Variants in TSBP1 observed in about 807,000 individuals in gnomAD.
TSBP1 encodes testis-expressed basic protein 1.
TSBP1 carries 56 observed loss-of-function variants against 68.8 expected under a neutral mutation model. The ratio of observed to expected loss-of-function variants is 0.81; its 90% CI spans 0.66 to 1.02. The LOEUF (loss-of-function observed/expected upper bound fraction) is 1.02, where lower values mean the gene tolerates loss of function less well. TSBP1 is among the 50% of genes least tolerant of loss of function. The probability of loss-of-function intolerance (pLI) is 0.00; values close to 1 mark genes in which losing one functional copy is unlikely to be tolerated. For synonymous variants in TSBP1, 171 were observed against 208.7 expected, an observed-to-expected ratio of 0.82 and a Z score of 1.56; for missense variants, 502 against 641.2, an observed-to-expected ratio of 0.78 and a Z score of 2.34.
rs1554212483 is a variant in TSBP1 at position 32,367,917 on chromosome 6, C to T, written c.166+8G>A. 2 of 1,603,340 alleles carry T rather than the reference C, an allele frequency of 1.2e-6. No individual in the cohort carries two copies. The highest frequency in any genetic ancestry group is 1.7e-6 in the Non-Finnish European group (2 of 1,171,660). On this transcript the variant is annotated splice_region_variant and intron_variant, in intron 4 of 22. Transcript: ENST00000612031. ...CATTAACTGTCTAGTAGTTCCTAATCTATTTACCTCTACCATCCTCATAGT... is the reference window on the plus strand; with the variant it reads ...CATTAACTGTCTAGTAGTTCCTAATTTATTTACCTCTACCATCCTCATAGT...
chr6:32,369,105 G>A (rs1428601781), intron 2 of TSBP1, among the ~76,000 whole-genome samples: 6 of 152,108 alleles, frequency 3.9e-5, no homozygotes, highest in Admixed American at 3.9e-4. Flanking sequence ...AGGAAAGAGA[G>A]ACCTTATGGC....
chr6:32,292,955 C>T lies in TSBP1; in HGVS notation c.*26G>A. The T allele has an allele frequency of 7.1e-7, 1 of 1,400,068 alleles. No homozygotes were observed. The highest frequency in any genetic ancestry group is 1.2e-5 in the South Asian group (1 of 81,704). The allele number at this position is 1,400,068 out of a possible 1,614,324, so 86.7% of individuals were successfully genotyped here. On this transcript the variant is annotated 3_prime_UTR_variant, in exon 23 of 23. Coordinates refer to ENST00000612031, the Ensembl canonical transcript of TSBP1. The surrounding 1 kb of genome is among the most constrained non-coding windows in gnomAD (Gnocchi z 4.1). Reference sequence around the variant, plus strand: ...TATGGGAATCATAATAATCACTTGTCTTATGGGCCTTTAAAAAATTTATCC... The same window carrying T: ...TATGGGAATCATAATAATCACTTGTTTTATGGGCCTTTAAAAAATTTATCC...
intron 22 of TSBP1, among the ~76,000 whole-genome samples, chr6:32,299,044 C>T (rs368647273): frequency 1.3e-5 from 2 of 152,162 alleles, no homozygotes. Context: ...CATAAAGTTT[C>T]CTGACTAATC....
intron 6 of TSBP1, among the ~76,000 whole-genome samples, chr6:32,362,056 C>G (rs555828146): frequency 6.6e-6 from 1 of 151,756 alleles, no homozygotes; most frequent in Non-Finnish European, 1.5e-5. Flanking sequence ...TTTGGGAGGC[C>G]GAGGTGGGCG....
chr6:32,325,033 T>A lies in TSBP1; in HGVS notation c.515-1419A>T, dbSNP rs1232780991. Among the ~76,000 whole-genome samples, 4 of 152,194 alleles carry A rather than the reference T, an allele frequency of 2.6e-5. No individual in the cohort carries two copies. Among genetic ancestry groups the A allele is most frequent in the Non-Finnish European group, 5.9e-5 (4 of 68,028 alleles). On this transcript the variant is annotated intron_variant, in intron 16 of 22. Transcript: ENST00000612031. The surrounding 1 kb of genome is among the most constrained non-coding windows in gnomAD (Gnocchi z 4.4). ...TGGATCTATATCATTTTTCTGTCAT[T>A]TTTTTTCCTTCTGCATGGAAAGTTC...
At position 32,361,838 on chromosome 6, in the gene TSBP1, C is replaced by A. The variant is rs1357193379; in HGVS notation, c.217+4329G>T. On this transcript the variant is annotated intron_variant, in intron 6 of 22. Transcript: ENST00000612031. The surrounding 1 kb of genome is among the most constrained non-coding windows in gnomAD (Gnocchi z 4.3). ...TGGATATTACTGTGGTTTTAATGTC[C>A]TCTCCGAAACTCATGTTGAAACTTA... 6.6e-6 allele frequency among the ~76,000 whole-genome samples: 1 copy of A among 151,998 alleles called. No homozygotes were observed. Among genetic ancestry groups the A allele is most frequent in the Non-Finnish European group, 1.5e-5 (1 of 68,004 alleles).
chr6:32,357,934 C>T lies in TSBP1; in HGVS notation c.218-2265G>A, dbSNP rs1772528483. On this transcript the variant is annotated intron_variant, in intron 6 of 22. Coordinates refer to ENST00000612031, the Ensembl canonical transcript of TSBP1. The surrounding 1 kb of genome is among the most constrained non-coding windows in gnomAD (Gnocchi z 4.7). ...GGGTTAAGGGAACTGAAATCCCCAG[C>T]AGTGTCTCTGGGGTGGGGCTGCATT... 6.6e-6 allele frequency among the ~76,000 whole-genome samples: 1 copy of T among 152,142 alleles called. No homozygotes were observed. The highest frequency in any genetic ancestry group is 1.5e-5 in the Non-Finnish European group (1 of 68,030).
At position 32,361,580 on chromosome 6, in the gene TSBP1, G is replaced by T. The variant is rs1773125626; in HGVS notation, c.217+4587C>A. 6.6e-6 allele frequency among the ~76,000 whole-genome samples: 1 copy of T among 152,164 alleles called. No homozygotes were observed. ...TAATGATTGCCATTCTAACTGGTGT[G>T]AGATGGTATCTCACTGTGGTTTTGA... On this transcript the variant is annotated intron_variant, in intron 6 of 22. Transcript: ENST00000612031. The surrounding 1 kb of genome is among the most constrained non-coding windows in gnomAD (Gnocchi z 4.3).
intron 8 of TSBP1, among the ~76,000 whole-genome samples, chr6:32,353,711 A>C (rs1247681343): frequency 6.6e-6 from 1 of 152,014 alleles, no homozygotes; most frequent in Non-Finnish European, 1.5e-5. Flanking sequence ...ACAAAAGATC[A>C]CTGGAACAGA....
At chr6:32,308,081 C>T (rs1417182392) in intron 19 of TSBP1, among the ~76,000 whole-genome samples, 4 of 151,942 alleles carry the variant, frequency 2.6e-5, no homozygotes, top group Non-Finnish European at 5.9e-5. Context: ...GGCCAATTGC[C>T]TGGTATGTTT....
intron 9 of TSBP1, among the ~76,000 whole-genome samples, chr6:32,347,165 A>ATTT (rs9279590): frequency 1.4e-5 from 2 of 144,438 alleles, no homozygotes; most frequent in East Asian, 2.0e-4. Context: ...GCCCTCTTAG[A>ATTT]TTTTTTTTTT....
At chr6:32,312,394 C>T (rs766468325) in intron 19 of TSBP1, among the ~76,000 whole-genome samples, 2 of 152,122 alleles carry the variant, frequency 1.3e-5, no homozygotes, top group Non-Finnish European at 2.9e-5. Flanking sequence ...CATTCTGAGT[C>T]AGTGTGCCTG....
Position 32,315,863 on chromosome 6 carries a change from T to A in TSBP1, c.560-71A>T. 2 of 1,047,356 alleles carry A rather than the reference T, an allele frequency of 1.9e-6. No homozygotes were observed. The highest frequency in any genetic ancestry group is 2.8e-6 in the Non-Finnish European group (2 of 721,146). The allele number at this position is 1,047,356 out of a possible 1,614,324, so 64.9% of individuals were successfully genotyped here. On this transcript the variant is annotated intron_variant, in intron 18 of 22. Coordinates refer to ENST00000612031, the Ensembl canonical transcript of TSBP1. The surrounding 1 kb of genome is among the most constrained non-coding windows in gnomAD (Gnocchi z 5.4). ...AGAAAACATAGCATTATCTAACATA[T>A]TTTGTTGGAGTCTGTGAGGGGAGGA...
chr6:32,362,843 T>A (rs1385616373), intron 6 of TSBP1, among the ~76,000 whole-genome samples: 2 of 152,232 alleles, frequency 1.3e-5, no homozygotes, highest in African/African-American at 4.8e-5. Flanking sequence ...CCAATTTCTT[T>A]TTGTTTTTGC....
chr6:32,337,086 G>A lies in TSBP1; in HGVS notation c.410-451C>T, dbSNP rs115879433. On this transcript the variant is annotated intron_variant, in intron 11 of 22. Transcript: ENST00000612031. The surrounding 1 kb of genome is among the most constrained non-coding windows in gnomAD (Gnocchi z 5.5). ...TACAGAAGGCCAAAGAACATTAGAGGAAACAGAAAAGGAACTCACTTATAG... is the reference window on the plus strand; with the variant it reads ...TACAGAAGGCCAAAGAACATTAGAGAAAACAGAAAAGGAACTCACTTATAG... 4.6e-3 allele frequency among the ~76,000 whole-genome samples: 703 copies of A among 152,176 alleles called. 6 individuals carry two copies. Among genetic ancestry groups the A allele is most frequent in the African/African-American group, 0.016 (669 of 41,520 alleles).
chr6:32,315,456 G>A lies in TSBP1; in HGVS notation c.580+316C>T, dbSNP rs772606011. ...TTGCACCTGTATTGCTAGCCACTTG[G>A]GAGGCTCAGGCAGGAGAATTGCTTG... On this transcript the variant is annotated intron_variant, in intron 19 of 22. Transcript: ENST00000612031. The surrounding 1 kb of genome is among the most constrained non-coding windows in gnomAD (Gnocchi z 5.4). Among the ~76,000 whole-genome samples, 2 of 152,114 alleles carry A rather than the reference G, an allele frequency of 1.3e-5. No individual in the cohort carries two copies. The highest frequency in any genetic ancestry group is 2.9e-5 in the Non-Finnish European group (2 of 68,026).
chr6:32,294,313 A>G (rs1202687559), intron 22 of TSBP1, among the ~76,000 whole-genome samples: 3 of 152,184 alleles, frequency 2.0e-5, no homozygotes, highest in Non-Finnish European at 4.4e-5. Flanking sequence ...TGGCTAATGA[A>G]TAATGCTTAG....
chr6:32,341,114 A>G (rs1470601677), intron 9 of TSBP1, among the ~76,000 whole-genome samples: 7 of 152,150 alleles, frequency 4.6e-5, no homozygotes, highest in Admixed American at 6.5e-5. Flanking sequence ...AAATTCTTGA[A>G]CTGAGTATTT....
chr6:32,342,940 G>A (rs1399947539), intron 9 of TSBP1, among the ~76,000 whole-genome samples: 1 of 152,216 alleles, frequency 6.6e-6, no homozygotes, highest in African/African-American at 2.4e-5. Context: ...AGATGTAGAA[G>A]AGAGAAGAAA....
Sources: gnomAD v4.1 joint callset for allele counts (sites outside exome capture counted in the v4.1 genomes callset) on GRCh38, gnomAD v4.1.1 for gene constraint, Gnocchi (gnomAD v3.1) non-coding constraint, MANE v1.5 for transcripts, NCBI Gene and HGNC (gene_info 2026-07-23, HGNC 2026-07-21) for gene names.